The following RGS6 variants were observed in gnomAD, a reference collection of about 807,000 sequenced individuals.
The protein encoded by RGS6 is regulator of G-protein signaling 6.
In RGS6, 30 loss-of-function variants were observed where a neutral mutation model predicts 78.5. The ratio of observed to expected loss-of-function variants is 0.38; its 90% CI spans 0.29 to 0.52. The LOEUF (loss-of-function observed/expected upper bound fraction) is 0.52. Ranked by LOEUF, RGS6 falls within the 20% of genes least tolerant of loss-of-function variation. The pLI, the probability that RGS6 is intolerant of heterozygous loss-of-function variation, is 0.85. For synonymous variants in RGS6, 206 were observed against 206.0 expected, an observed-to-expected ratio of 1.00 and a Z score of 0.00; for missense variants, 495 against 609.7, an observed-to-expected ratio of 0.81 and a Z score of 1.98.
intron 2 of RGS6, among the ~76,000 whole-genome samples, chr14:72,010,555 A>G (rs1344262454): frequency 6.6e-6 from 1 of 152,156 alleles, no homozygotes; most frequent in Non-Finnish European, 1.5e-5. Context: ...CCTGTGGCAC[A>G]CTTCTTGCTA....
At chr14:72,591,514 G>A in the RGS6 span, among the ~76,000 whole-genome samples, 8 of 151,946 alleles carry the variant, frequency 5.3e-5, no homozygotes, top group Admixed American at 1.3e-4. Flanking sequence ...TAATGTCTCC[G>A]CGTGGTACCA....
chr14:72,509,574 C>T (rs989785067), intron 13 of RGS6, among the ~76,000 whole-genome samples: 6 of 152,136 alleles, frequency 3.9e-5, no homozygotes, highest in Admixed American at 2.0e-4. Flanking sequence ...ATGCTTGAGA[C>T]GGTGTCTAGC....
chr14:72,158,468 C>T (rs1224353228), intron 2 of RGS6, among the ~76,000 whole-genome samples: 1 of 152,144 alleles, frequency 6.6e-6, no homozygotes, highest in Non-Finnish European at 1.5e-5. Context: ...ACAATTCAGT[C>T]CATAACAGCC....
At chr14:72,592,691 G>A in the RGS6 span, among the ~76,000 whole-genome samples, 3 of 152,352 alleles carry the variant, frequency 2.0e-5, no homozygotes, top group African/African-American at 7.2e-5. Flanking sequence ...AAGAGGGAGA[G>A]AGAGAGGTAC....
intron 6 of RGS6, among the ~76,000 whole-genome samples, chr14:72,462,643 GAC>G (rs1224620887): frequency 6.6e-6 from 1 of 152,228 alleles, no homozygotes; most frequent in African/African-American, 2.4e-5. Flanking sequence ...GCCCATAGGA[GAC>G]ACTCAGTACA....
At chr14:72,159,687 G>T (rs1028277554) in intron 2 of RGS6, among the ~76,000 whole-genome samples, 1 of 152,128 alleles carries the variant, frequency 6.6e-6, no homozygotes, top group East Asian at 1.9e-4. Flanking sequence ...TCCACATATG[G>T]CCTGTGATTT....
At chr14:72,144,573 A>G (rs2096582777) in intron 2 of RGS6, among the ~76,000 whole-genome samples, 5 of 152,186 alleles carry the variant, frequency 3.3e-5, no homozygotes, top group Admixed American at 3.3e-4. Context: ...TCGAAAATCT[A>G]TTTGGAGCAA....
intron 2 of RGS6, among the ~76,000 whole-genome samples, chr14:72,275,016 C>T (rs1434490150): frequency 6.6e-6 from 1 of 152,178 alleles, no homozygotes; most frequent in Non-Finnish European, 1.5e-5. Flanking sequence ...CCTCCACCCA[C>T]CAGAGTGAAA....
At chr14:72,613,347 G>A in the RGS6 span, among the ~76,000 whole-genome samples, 4 of 152,150 alleles carry the variant, frequency 2.6e-5, no homozygotes, top group African/African-American at 7.2e-5. Context: ...GCCTGGGCTA[G>A]AGGTCATGAT....
chr14:71,895,905 A>G, the RGS6 span, among the ~76,000 whole-genome samples: 18 of 152,122 alleles, frequency 1.2e-4, no homozygotes, highest in South Asian at 3.5e-3. Context: ...GAGCGAGGAG[A>G]TGCATACCCA....
intron 2 of RGS6, among the ~76,000 whole-genome samples, chr14:72,048,159 AGTGTGTTCAAGG>A (rs1326737191): frequency 6.6e-6 from 1 of 152,110 alleles, no homozygotes; most frequent in African/African-American, 2.4e-5. Flanking sequence ...GGGTAGTCAC[AGTGTGTTCAAGG>A]GTAAATGATA....
At chr14:72,102,060 T>C (rs1175658899) in intron 2 of RGS6, among the ~76,000 whole-genome samples, 4 of 152,188 alleles carry the variant, frequency 2.6e-5, no homozygotes, top group Non-Finnish European at 5.9e-5. Context: ...TTTCCTTCCG[T>C]TGGGATTTGG....
intron 13 of RGS6, among the ~76,000 whole-genome samples, chr14:72,507,961 A>G (rs1413254243): frequency 2.0e-5 from 3 of 152,334 alleles, no homozygotes; most frequent in African/African-American, 7.2e-5. Flanking sequence ...ATTCTTCCAC[A>G]AACAGTATTT....
chr14:72,275,708 C>G (rs1470888665), intron 2 of RGS6, among the ~76,000 whole-genome samples: 1 of 152,218 alleles, frequency 6.6e-6, no homozygotes, highest in Non-Finnish European at 1.5e-5. Flanking sequence ...CACACACTAC[C>G]AGTGTCTCTC....
At chr14:72,620,060 A>C in the RGS6 span, 32 of 1,415,442 alleles carry the variant, frequency 2.3e-5, 1 homozygote, top group Non-Finnish European at 3.0e-5. Context: ...CCGCTTACCC[A>C]TCAGCCTTAT....
At chr14:71,905,108 C>T in the RGS6 span, among the ~76,000 whole-genome samples, 1 of 152,312 alleles carries the variant, frequency 6.6e-6, no homozygotes, top group East Asian at 1.9e-4. Context: ...TCTGGGATTG[C>T]TTTCTGCTGT....
At chr14:71,927,909 C>G (rs577381571), upstream of RGS6, among the ~76,000 whole-genome samples, 4 of 152,222 alleles carry the variant, frequency 2.6e-5, no homozygotes, top group African/African-American at 9.6e-5. Context: ...CCGCCCGTCT[C>G]GGCCTCCCAA....
At chr14:72,435,235 T>C (rs562746696) in intron 3 of RGS6, among the ~76,000 whole-genome samples, 7 of 152,350 alleles carry the variant, frequency 4.6e-5, no homozygotes, top group African/African-American at 1.7e-4. Context: ...GGATTCAAGA[T>C]GTGGCCAGTT....
chr14:72,142,633 G>T (rs2096555902), intron 2 of RGS6, among the ~76,000 whole-genome samples: 1 of 152,150 alleles, frequency 6.6e-6, no homozygotes, highest in Non-Finnish European at 1.5e-5. Flanking sequence ...GGTCAGTTAG[G>T]GCTCTGGAGT....
Sources: gnomAD v4.1 joint callset for allele counts (sites outside exome capture counted in the v4.1 genomes callset) on GRCh38, gnomAD v4.1.1 for gene constraint, MANE v1.5 for transcripts, NCBI Gene and HGNC (gene_info 2026-07-23, HGNC 2026-07-21) for gene names.